The following MTRF1 variants were observed in gnomAD, a reference collection of about 807,000 sequenced individuals.
The protein encoded by MTRF1 is mitochondrial translation release factor 1.
Under a neutral mutation model 62.9 loss-of-function variants are expected in MTRF1, and 51 were observed. The ratio of observed to expected loss-of-function variants is 0.81; its 90% CI spans 0.65 to 1.02. MTRF1 has a LOEUF of 1.02. Ranked by LOEUF, MTRF1 falls within the 50% of genes least tolerant of loss-of-function variation. MTRF1 has a pLI of 0.00. For missense variants in MTRF1, 446 were observed against 530.0 expected (o/e 0.84, Z 1.56); for synonymous variants, 158 against 181.9 (o/e 0.87, Z 1.06).
chr13:41,258,295 A>G (rs1456443957), intron 2 of MTRF1, among the ~76,000 whole-genome samples: 1 of 152,222 alleles, frequency 6.6e-6, no homozygotes. Flanking sequence ...AAACAAAATG[A>G]AGCACAGAAG....
the MTRF1 span, among the ~76,000 whole-genome samples, chr13:41,282,088 A>AGACTGTG: frequency 2.6e-5 from 4 of 151,112 alleles, no homozygotes; most frequent in East Asian, 7.8e-4. Flanking sequence ...CAGTGAGCTG[A>AGACTGTG]GACTGTGTCA....
At chr13:41,229,699 G>C (rs1263874228) in intron 7 of MTRF1, 3 of 151,934 alleles carry the variant, frequency 2.0e-5, no homozygotes, top group Non-Finnish European at 2.9e-5. Flanking sequence ...TACTGTTCTG[G>C]ACTGTGTATA....
the MTRF1 span, among the ~76,000 whole-genome samples, chr13:41,310,661 A>G: frequency 6.6e-6 from 1 of 152,168 alleles, no homozygotes; most frequent in African/African-American, 2.4e-5. Context: ...CAAGAGCGAT[A>G]CTCCATCTCA....
chr13:41,250,352 C>T (rs1463178966), intron 5 of MTRF1, among the ~76,000 whole-genome samples: 2 of 152,100 alleles, frequency 1.3e-5, no homozygotes, highest in African/African-American at 2.4e-5. Flanking sequence ...AGCTTGTTGC[C>T]CTGAATGCTC....
rs1392773781 is a variant in MTRF1, at chr13:41,262,463, T to C, written c.-9+1022A>G. On this transcript the variant is annotated intron_variant, in intron 1 of 9. Coordinates refer to ENST00000379480, the MANE Select transcript of MTRF1 (RefSeq NM_004294.4). ...CAGTGTTTTCCAAGTTTCTTGCACA[T>C]GTAGCATGGAATACTTTCCTAATCA... 6 of 152,244 alleles carry C rather than the reference T, an allele frequency of 3.9e-5. No individual in the cohort carries two copies. In the East Asian group the frequency reaches 1.2e-3, roughly 29 times the overall value. 9.4% of individuals were successfully genotyped at this position (152,244 alleles called of 1,614,324 possible). A position where few individuals can be genotyped will look rare whatever the true frequency, so the allele number is the denominator to read the frequency against.
intron 9 of MTRF1, among the ~76,000 whole-genome samples, chr13:41,218,783 C>G (rs1020962564): frequency 6.6e-6 from 1 of 152,122 alleles, no homozygotes; most frequent in African/African-American, 2.4e-5. Flanking sequence ...TTAAGTCTTT[C>G]TTGAATGGTC....
chr13:41,252,178 C>T (rs747908941), intron 5 of MTRF1: 3 of 152,346 alleles, frequency 2.0e-5, no homozygotes, highest in African/African-American at 7.3e-5. Context: ...TAGTGCCCAG[C>T]CATTATAAAT....
chr13:41,295,804 T>C, the MTRF1 span, among the ~76,000 whole-genome samples: 1 of 152,170 alleles, frequency 6.6e-6, no homozygotes, highest in Non-Finnish European at 1.5e-5. Flanking sequence ...TGTTTTGAGA[T>C]AGGATCTTGC....
At chr13:41,308,599 G>T in the MTRF1 span, among the ~76,000 whole-genome samples, 1 of 152,184 alleles carries the variant, frequency 6.6e-6, no homozygotes, top group South Asian at 2.1e-4. Context: ...ACTGCCACTA[G>T]TACAGGTGCG....
chr13:41,259,209 C>G (rs9566732), intron 2 of MTRF1, among the ~76,000 whole-genome samples: 94,318 of 151,740 alleles, frequency 0.62, 29,653 homozygotes, highest in Admixed American at 0.65. Flanking sequence ...CAGTCTAGCA[C>G]TTCCTCAAAA....
At chr13:41,267,869 A>AAC (rs917514727), upstream of MTRF1, among the ~76,000 whole-genome samples, 4 of 151,930 alleles carry the variant, frequency 2.6e-5, no homozygotes, top group Admixed American at 1.3e-4. Context: ...TGTTGAAAAA[A>AAC]AAAAATGGCG....
At chr13:41,303,812 G>C in the MTRF1 span, among the ~76,000 whole-genome samples, 1 of 152,164 alleles carries the variant, frequency 6.6e-6, no homozygotes, top group African/African-American at 2.4e-5. Flanking sequence ...TCCTAATTTT[G>C]CTTTAAAGAT....
intron 7 of MTRF1, among the ~76,000 whole-genome samples, chr13:41,230,518 C>G (rs1432632037): frequency 6.6e-6 from 1 of 151,310 alleles, no homozygotes; most frequent in Non-Finnish European, 1.5e-5. Flanking sequence ...TCTGCCTTGG[C>G]CTCCCAAAGT....
chr13:41,304,409 G>C, the MTRF1 span, among the ~76,000 whole-genome samples: 1 of 152,162 alleles, frequency 6.6e-6, no homozygotes, highest in African/African-American at 2.4e-5. Flanking sequence ...CAAGTAGCTG[G>C]AACTACAGAC....
At chr13:41,262,805 G>A (rs570723907) in intron 1 of MTRF1, among the ~76,000 whole-genome samples, 2 of 152,198 alleles carry the variant, frequency 1.3e-5, no homozygotes, top group South Asian at 4.1e-4. Flanking sequence ...AAAAAAGAAG[G>A]ATCAACATTT....
intron 2 of MTRF1, among the ~76,000 whole-genome samples, chr13:41,255,817 C>A (rs117974228): frequency 0.018 from 2,692 of 152,228 alleles, 48 homozygotes; most frequent in Non-Finnish European, 0.027. Flanking sequence ...GGAACTCTAG[C>A]AAAACAAGAT....
chr13:41,247,227 T>C (rs1010722141), intron 5 of MTRF1, among the ~76,000 whole-genome samples: 1 of 152,242 alleles, frequency 6.6e-6, no homozygotes, highest in Non-Finnish European at 1.5e-5. Flanking sequence ...GTGTGAAATC[T>C]TGTGGAAGAC....
At chr13:41,240,234 G>T (rs1360471347) in intron 6 of MTRF1, 27 bp downstream of exon 6, 1 of 1,576,370 alleles carries the variant, frequency 6.3e-7, no homozygotes, top group Admixed American at 1.8e-5. Context: ...CATGGAGTGA[G>T]TTTCCCTTGC....
At chr13:41,262,865 G>T (rs1228802766) in intron 1 of MTRF1, among the ~76,000 whole-genome samples, 4 of 152,196 alleles carry the variant, frequency 2.6e-5, no homozygotes, top group Admixed American at 6.5e-5. Context: ...GCTAGGAGGT[G>T]CATTGATATA....
Sources: gnomAD v4.1 joint callset for allele counts (sites outside exome capture counted in the v4.1 genomes callset) on GRCh38, gnomAD v4.1.1 for gene constraint, MANE v1.5 for transcripts, NCBI Gene and HGNC (gene_info 2026-07-23, HGNC 2026-07-21) for gene names.